TFF1: variants seen among roughly 807,000 people sequenced by gnomAD.
TFF1 encodes breast cancer estrogen-inducible protein.
TFF1 carries 8 observed loss-of-function variants against 7.7 expected under a neutral mutation model. The ratio of observed to expected loss-of-function variants is 1.04; its 90% CI spans 0.61 to 1.87. TFF1 has a LOEUF of 1.87. TFF1 is among the 40% of genes most tolerant of loss of function. The probability of loss-of-function intolerance (pLI) is 0.00; values close to 1 mark genes in which losing one functional copy is unlikely to be tolerated. For synonymous variants in TFF1, 47 were observed against 44.8 expected (o/e 1.05, Z -0.19); for missense variants, 120 against 113.4 (o/e 1.06, Z -0.26).
intron 1 of TFF1, among the ~76,000 whole-genome samples, chr21:42,366,084 G>A (rs1196650261): frequency 6.6e-6 from 1 of 152,142 alleles, no homozygotes; most frequent in East Asian, 1.9e-4. Context: ...ACAGTCAAAA[G>A]CACTATTCTG....
At chr21:42,362,900 CAAAAAAA>C (rs34253894) in intron 2 of TFF1, among the ~76,000 whole-genome samples, 4,433 of 117,636 alleles carry the variant, frequency 0.038, 236 homozygotes, top group African/African-American at 0.13. Context: ...GACTCCATTT[CAAAAAAA>C]AAAAAAAAAA....
At position 42,366,478 on chromosome 21, in the gene TFF1, G is replaced by A. The variant is rs2052280547; in HGVS notation, c.18C>T (p.Asn6=). Residue 6 remains asparagine, a synonymous_variant, in exon 1 of 3, where the codon AAC becomes AAT. Coordinates refer to ENST00000291527, the MANE Select transcript of TFF1 (RefSeq NM_003225.3). The stretch of plus-strand genomic sequence containing the variant: ...CCAGGACCAGGGCGCAGATCACCTT[G>A]TTCTCCATGGTGGCCATTGCCTCCT... MATME[N]KVICALVLVS... 2.5e-6 allele frequency: 4 copies of A among 1,612,290 alleles called. No homozygotes were observed. Among genetic ancestry groups the A allele is most frequent in the Non-Finnish European group, 3.4e-6 (4 of 1,178,724 alleles).
At chr21:42,365,676 C>T (rs2052274004) in intron 1 of TFF1, among the ~76,000 whole-genome samples, 1 of 152,208 alleles carries the variant, frequency 6.6e-6, no homozygotes, top group African/African-American at 2.4e-5. Context: ...AAGTGCAAGT[C>T]GCAGATGCTG....
chr21:42,364,803 C>T (rs954908858), intron 1 of TFF1, among the ~76,000 whole-genome samples: 7 of 152,184 alleles, frequency 4.6e-5, no homozygotes, highest in Non-Finnish European at 2.9e-5. Context: ...AGAAAGTGTT[C>T]CTGGCTTGCT....
intron 2 of TFF1, among the ~76,000 whole-genome samples, chr21:42,362,874 A>G (rs1458967991): frequency 1.3e-5 from 2 of 149,518 alleles, no homozygotes; most frequent in African/African-American, 2.5e-5. Flanking sequence ...ACTCCAGCTC[A>G]GGGGCAACGG....
rs1194423297 is a variant in TFF1 at position 42,366,391 on chromosome 21, C to T, written c.85+20G>A. On this transcript the variant is annotated intron_variant, in intron 1 of 2. Transcript: ENST00000291527. Reference sequence around the variant, plus strand: ...CAGAGCTGGCTGTGGCCCCACAGAGCAGGAAGAAGCACGCCTTACCTGTCT... The same window carrying T: ...CAGAGCTGGCTGTGGCCCCACAGAGTAGGAAGAAGCACGCCTTACCTGTCT... 1.9e-6 allele frequency: 3 copies of T among 1,589,274 alleles called. No homozygotes were observed. Among genetic ancestry groups the T allele is most frequent in the South Asian group, 2.2e-5 (2 of 89,718 alleles).
chr21:42,366,285 T>C (rs1601505740), intron 1 of TFF1, 126 bp downstream of exon 1: 1 of 641,618 alleles, frequency 1.6e-6, no homozygotes, highest in East Asian at 2.9e-5. Flanking sequence ...GGATATACTT[T>C]TAAGGGCCTA....
chr21:42,365,355 A>G (rs1323722773), intron 1 of TFF1, among the ~76,000 whole-genome samples: 1 of 152,076 alleles, frequency 6.6e-6, no homozygotes, highest in Non-Finnish European at 1.5e-5. Flanking sequence ...CTGTACACCG[A>G]GGCCACTTCC....
intron 1 of TFF1, among the ~76,000 whole-genome samples, chr21:42,364,917 C>T (rs2052267501): frequency 6.6e-6 from 1 of 152,138 alleles, no homozygotes; most frequent in South Asian, 2.1e-4. Context: ...ATCGCCCACC[C>T]CCGGGACACT....
intron 2 of TFF1, among the ~76,000 whole-genome samples, chr21:42,362,871 C>T (rs1178996586): frequency 6.7e-6 from 1 of 148,610 alleles, no homozygotes; most frequent in Non-Finnish European, 1.5e-5. Context: ...TGCACTCCAG[C>T]TCAGGGGCAA....
In TFF1 at chr21:42,366,424, G is replaced by C. The variant is rs146367440; in HGVS notation, c.72C>G (p.Ala24=). The C allele has an allele frequency of 1.2e-6, 2 of 1,611,392 alleles. No individual in the cohort carries two copies. Among genetic ancestry groups the C allele is most frequent in the East Asian group, 2.2e-5 (1 of 44,828 alleles). ...LVSMLALGTL[A]EAQTETCTVA... is the part of the protein sequence containing the mutation. ...AGCACGCCTTACCTGTCTGGGCCTC[G>C]GCCAGGGTGCCGAGGGCCAGCATGG... The change falls in exon 1 of 3, where the codon GCC becomes GCG. Residue 24 remains alanine, a synonymous_variant. Coordinates refer to ENST00000291527, the MANE Select transcript of TFF1 (RefSeq NM_003225.3).
chr21:42,366,477 T>C lies in TFF1; in HGVS notation c.19A>G (p.Lys7Glu). 2 of 1,612,414 alleles carry C rather than the reference T, an allele frequency of 1.2e-6. No individual in the cohort carries two copies. Among genetic ancestry groups the C allele is most frequent in the East Asian group, 2.2e-5 (1 of 44,848 alleles). The change falls in exon 1 of 3, where the codon AAG (lysine) becomes GAG (glutamate). Residue 7 changes from lysine to glutamate, a missense_variant. By Grantham distance (56) the Lys-to-Glu change is moderately conservative. Coordinates refer to ENST00000291527, the MANE Select transcript of TFF1 (RefSeq NM_003225.3). The stretch of plus-strand genomic sequence containing the variant: ...ACCAGGACCAGGGCGCAGATCACCT[T>C]GTTCTCCATGGTGGCCATTGCCTCC... MATMEN[K>E]VICALVLVSM... is the part of the protein sequence containing the mutation.
At chr21:42,362,900 CAAAA>C (rs34253894) in intron 2 of TFF1, among the ~76,000 whole-genome samples, 2 of 117,612 alleles carry the variant, frequency 1.7e-5, no homozygotes. Flanking sequence ...GACTCCATTT[CAAAA>C]AAAAAAAAAA....
At chr21:42,364,477 G>C (rs759905578) in intron 1 of TFF1, among the ~76,000 whole-genome samples, 8 of 152,220 alleles carry the variant, frequency 5.3e-5, no homozygotes, top group African/African-American at 1.9e-4. Context: ...AGGAAGACAC[G>C]TGGACAGATG....
Position 42,363,326 on chromosome 21 carries a change from C to G in TFF1, c.167G>C (p.Cys56Ser). The change falls in exon 2 of 3, where the codon TGC (cysteine) becomes TCC (serine). Residue 56 changes from cysteine (C) to serine (S), a missense_variant. Physicochemically the swap from Cys to Ser is moderately radical, Grantham distance 112 (BLOSUM62 -1). Coordinates refer to ENST00000291527, the MANE Select transcript of TFF1 (RefSeq NM_003225.3). ...VTPSQCANKG[C>S]CFDDTVRGVP... ...CCCACGAACGGTGTCGTCGAAACAG[C>G]AGCCCTTATTTGCACACTGGGAGGG... 6.2e-7 allele frequency: 1 copy of G among 1,614,204 alleles called. No homozygotes were observed. The highest frequency in any genetic ancestry group is 8.5e-7 in the Non-Finnish European group (1 of 1,180,034).
intron 1 of TFF1, among the ~76,000 whole-genome samples, chr21:42,364,894 C>T (rs555326644): frequency 1.9e-4 from 29 of 152,152 alleles, no homozygotes; most frequent in Non-Finnish European, 2.5e-4. Context: ...TCCATCGCGA[C>T]GTGAAGGTGA....
At chr21:42,365,541 C>A (rs558028591) in intron 1 of TFF1, among the ~76,000 whole-genome samples, 1 of 152,048 alleles carries the variant, frequency 6.6e-6, no homozygotes, top group Non-Finnish European at 1.5e-5. Context: ...CACCACTGGG[C>A]GCTCCCTCTT....
At chr21:42,364,734 C>T (rs547622429) in intron 1 of TFF1, among the ~76,000 whole-genome samples, 2 of 152,230 alleles carry the variant, frequency 1.3e-5, no homozygotes, top group East Asian at 1.9e-4. Context: ...CAGGGGAGGC[C>T]GAGAGGGGCT....
Position 42,363,249 on chromosome 21 carries a change from C to G in TFF1, c.238+6G>C, listed in dbSNP as rs745608896. ...CTTCAGAACCCATCGTATAAAAAGGCCATACCTTCTGGAGGGACGTCGATG... is the reference window on the plus strand; with the variant it reads ...CTTCAGAACCCATCGTATAAAAAGGGCATACCTTCTGGAGGGACGTCGATG... On this transcript the variant is annotated splice_donor_region_variant and intron_variant, in intron 2 of 2. Transcript: ENST00000291527. The G allele has an allele frequency of 3.5e-5, 56 of 1,614,028 alleles. No individual in the cohort carries two copies. The highest frequency in any genetic ancestry group is 4.6e-5 in the Non-Finnish European group (54 of 1,180,038).
Sources: allele counts gnomAD v4.1 joint callset (sites outside exome capture counted in the v4.1 genomes callset), GRCh38; gene constraint gnomAD v4.1.1; transcripts MANE v1.5; gene names NCBI Gene and HGNC (gene_info 2026-07-23, HGNC 2026-07-21).